Variants in CPS1 observed in about 807,000 individuals in gnomAD.
The protein encoded by CPS1 is carbamoyl-phosphate synthase [ammonia], mitochondrial.
A neutral mutation model predicts 174.6 loss-of-function variants in CPS1; 109 were observed. The ratio of observed to expected loss-of-function variants is 0.62; its 90% confidence interval spans 0.53 to 0.73. CPS1 has a LOEUF of 0.73. CPS1 is among the 30% of genes least tolerant of loss of function. The pLI is 0.00. For missense variants in CPS1, 1,689 were observed against 1,821.9 expected (o/e 0.93, Z 1.33); for synonymous variants, 637 against 632.0 (o/e 1.01, Z -0.12).
At chr2:210,482,516 C>CTGATCCGCATGGCCAAG (rs2105941699) in intron 1 of CPS1, among the ~76,000 whole-genome samples, 1 of 152,134 alleles carries the variant, frequency 6.6e-6, no homozygotes, top group South Asian at 2.1e-4. Context: ...GTACCCCAGG[C>CTGATCCGCATGGCCAAG]TGATCCGCCT....
At chr2:210,569,378 A>G (rs1349623771) in intron 1 of CPS1, among the ~76,000 whole-genome samples, 1 of 152,110 alleles carries the variant, frequency 6.6e-6, no homozygotes, top group Non-Finnish European at 1.5e-5. Flanking sequence ...TGGATTTTTA[A>G]TACAAAATTT....
At chr2:210,523,536 C>T (rs1464213521) in intron 1 of CPS1, among the ~76,000 whole-genome samples, 2 of 151,978 alleles carry the variant, frequency 1.3e-5, no homozygotes, top group African/African-American at 4.8e-5. Context: ...TTTTATTCTA[C>T]ACTCTGTGTC....
chr2:210,629,377 C>G (rs901850381), intron 21 of CPS1, among the ~76,000 whole-genome samples: 2 of 151,804 alleles, frequency 1.3e-5, no homozygotes, highest in Non-Finnish European at 2.9e-5. Context: ...TGCAGTGGCG[C>G]GATCTCGGCT....
rs1031153896 is a variant in CPS1, at chr2:210,579,565, A to G, written c.472-149A>G. ...TAGCAACAATTTACTGTGTTCTGAC[A>G]ATACAGTCACCCTGGGTCAGAGAAA... On this transcript the variant is annotated intron_variant, in intron 4 of 37. Coordinates refer to ENST00000233072, the MANE Select transcript of CPS1 (RefSeq NM_001875.5). 7.2e-6 allele frequency: 5 copies of G among 696,846 alleles called. No homozygotes were observed. The African/African-American group carries it at 8.8e-5, about 12-fold the overall frequency. 43.2% of individuals were successfully genotyped at this position (696,846 alleles called of 1,614,324 possible). A position where few individuals can be genotyped will look rare whatever the true frequency, so the allele number is the denominator to read the frequency against.
intron 1 of CPS1, among the ~76,000 whole-genome samples, chr2:210,506,337 G>A (rs906751571): frequency 2.6e-5 from 4 of 151,998 alleles, no homozygotes; most frequent in Admixed American, 2.0e-4. Flanking sequence ...ACTGTTAGAA[G>A]GAAAACTAAC....
At chr2:210,589,189 C>T (rs1036133054) in intron 7 of CPS1, among the ~76,000 whole-genome samples, 1 of 152,026 alleles carries the variant, frequency 6.6e-6, no homozygotes, top group Non-Finnish European at 1.5e-5. Flanking sequence ...TCACTTATCC[C>T]TAGTGGTAAC....
chr2:210,516,316 C>T (rs1477572696), intron 1 of CPS1, among the ~76,000 whole-genome samples: 1 of 151,706 alleles, frequency 6.6e-6, no homozygotes, highest in African/African-American at 2.4e-5. Context: ...TTGATGACTT[C>T]TTATACTTCT....
intron 5 of CPS1, among the ~76,000 whole-genome samples, chr2:210,581,446 T>C (rs1403582883): frequency 3.9e-5 from 6 of 152,122 alleles, no homozygotes. Flanking sequence ...ATATTAAAAA[T>C]GTATATTATG....
intron 1 of CPS1, among the ~76,000 whole-genome samples, chr2:210,520,849 G>T (rs146419402): frequency 3.9e-5 from 6 of 151,916 alleles, no homozygotes; most frequent in African/African-American, 1.2e-4. Flanking sequence ...TCACTCACCT[G>T]TATGAATATC....
At chr2:210,522,763 C>T (rs1695860568) in intron 1 of CPS1, among the ~76,000 whole-genome samples, 1 of 151,832 alleles carries the variant, frequency 6.6e-6, no homozygotes, top group Non-Finnish European at 1.5e-5. Flanking sequence ...CTTGGTGAGA[C>T]CTCAAATATA....
At chr2:210,572,797 C>G (rs1289901820) in intron 1 of CPS1, among the ~76,000 whole-genome samples, 1 of 152,032 alleles carries the variant, frequency 6.6e-6, no homozygotes, top group Non-Finnish European at 1.5e-5. Context: ...ACCCTTGGGA[C>G]AACTCCATCA....
intron 21 of CPS1, among the ~76,000 whole-genome samples, chr2:210,628,543 G>T (rs922236713): frequency 3.9e-5 from 6 of 152,070 alleles, no homozygotes; most frequent in Non-Finnish European, 8.8e-5. Context: ...TAGTAGATAG[G>T]CTTCTGTTAA....
intron 1 of CPS1, chr2:210,477,883 T>A: frequency 8.7e-7 from 1 of 1,147,524 alleles, no homozygotes; most frequent in Non-Finnish European, 1.3e-6. Context: ...CTTTAATGAT[T>A]AAAGGCTATC....
At chr2:210,662,205 T>TTTTTTAAA (rs899615756) in intron 32 of CPS1, among the ~76,000 whole-genome samples, 2 of 152,176 alleles carry the variant, frequency 1.3e-5, no homozygotes, top group African/African-American at 4.8e-5. Context: ...TAGATATGCA[T>TTTTTTAAA]TTTTTAAATG....
chr2:210,655,789 T>C (rs905211359), intron 29 of CPS1, among the ~76,000 whole-genome samples: 3 of 152,138 alleles, frequency 2.0e-5, no homozygotes, highest in African/African-American at 7.2e-5. Flanking sequence ...GATAAGCAAA[T>C]CTCTTATGTA....
chr2:210,564,649 T>TA (rs1417361996), intron 1 of CPS1, among the ~76,000 whole-genome samples: 2 of 152,138 alleles, frequency 1.3e-5, no homozygotes, highest in Non-Finnish European at 2.9e-5. Flanking sequence ...GTGCTGGGAT[T>TA]ACAGGCGTGA....
At position 210,677,164 on chromosome 2, in the gene CPS1, G is replaced by A. The variant is rs200622526; in HGVS notation, c.4404+28G>A. The A allele has an allele frequency of 2.8e-4, 453 of 1,609,294 alleles. 1 individual carries two copies. The highest frequency in any genetic ancestry group is 3.6e-4 in the Non-Finnish European group (418 of 1,175,862). Reference sequence around the variant, plus strand: ...ATAGTCTTTTCCTTGGATATAGACTGGATGGGAGTTTTATTTCTGTGCCTC... The same window carrying A: ...ATAGTCTTTTCCTTGGATATAGACTAGATGGGAGTTTTATTTCTGTGCCTC... On this transcript the variant is annotated intron_variant, in intron 37 of 37. Transcript: ENST00000233072.
chr2:210,673,579 T>A (rs1701394150), intron 34 of CPS1: 1 of 152,152 alleles, frequency 6.6e-6, no homozygotes, highest in Non-Finnish European at 1.5e-5. Context: ...CAGTTTGGGT[T>A]GTAAGTGTAA....
chr2:210,655,135 T>G (rs982348109), intron 29 of CPS1, among the ~76,000 whole-genome samples: 7 of 152,218 alleles, frequency 4.6e-5, no homozygotes, highest in Non-Finnish European at 1.0e-4. Context: ...CTTGGAAGTC[T>G]TATCCCTGAT....
Sources: gnomAD v4.1 joint callset for allele counts (sites outside exome capture counted in the v4.1 genomes callset) on GRCh38, gnomAD v4.1.1 for gene constraint, MANE v1.5 for transcripts, NCBI Gene and HGNC (gene_info 2026-07-23, HGNC 2026-07-21) for gene names.